Variants in DDX60L observed in about 807,000 individuals in gnomAD.
DDX60L encodes the protein probable ATP-dependent RNA helicase DDX60-like.
In DDX60L, 191 loss-of-function variants were observed where a neutral mutation model predicts 211.6. The observed-to-expected ratio is 0.90, with a 90% CI of 0.80 to 1.02. The LOEUF (loss-of-function observed/expected upper bound fraction) is 1.02, where lower values mean the gene tolerates loss of function less well. Among genes scored for constraint, DDX60L ranks in the 50% least tolerant of loss-of-function variants. DDX60L has a pLI of 0.00. For synonymous variants in DDX60L, 706 were observed against 694.1 expected (o/e 1.02, Z -0.27); for missense variants, 2,007 against 1,984.1 (o/e 1.01, Z -0.22).
chr4:168,473,955 C>G (rs1260414008), intron 1 of DDX60L, among the ~76,000 whole-genome samples: 1 of 152,122 alleles, frequency 6.6e-6, no homozygotes, highest in Admixed American at 6.5e-5. Context: ...CTCTGTGAAA[C>G]TGAAGGGACA....
At chr4:168,469,488 G>A (rs1470728350) in intron 4 of DDX60L, 1 of 152,252 alleles carries the variant, frequency 6.6e-6, no homozygotes, top group Middle Eastern at 3.4e-3. Context: ...GATAGGCAAT[G>A]ATTCTTATCA....
intron 25 of DDX60L, among the ~76,000 whole-genome samples, chr4:168,402,630 G>C (rs1054473741): frequency 1.3e-5 from 2 of 152,198 alleles, no homozygotes; most frequent in Non-Finnish European, 2.9e-5. Context: ...TGCAGTTTAA[G>C]CTAAGATTTG....
chr4:168,472,777 C>T lies in DDX60L; in HGVS notation c.-78G>A. 1.3e-6 allele frequency: 2 copies of T among 1,503,538 alleles called. No individual in the cohort carries two copies. The highest frequency in any genetic ancestry group is 1.8e-6 in the Non-Finnish European group (2 of 1,090,958). The allele number at this position is 1,503,538 out of a possible 1,614,324, so 93.1% of individuals were successfully genotyped here. ...ATATGGCTGATTTATTTTGACACCTCTAAAATGGCTACATTTGATGTGAAT... is the reference window on the plus strand; with the variant it reads ...ATATGGCTGATTTATTTTGACACCTTTAAAATGGCTACATTTGATGTGAAT... On this transcript the variant is annotated 5_prime_UTR_variant, in exon 2 of 38. Transcript: ENST00000682922.
chr4:168,447,820 T>C (rs2712112), intron 9 of DDX60L, among the ~76,000 whole-genome samples: 42,609 of 143,142 alleles, frequency 0.3, 6,632 homozygotes, highest in African/African-American at 0.41. Context: ...TAGGTGGGAA[T>C]TGAACAATGA....
intron 22 of DDX60L, among the ~76,000 whole-genome samples, chr4:168,410,495 G>T (rs149873056): frequency 6.7e-4 from 102 of 152,280 alleles, no homozygotes; most frequent in African/African-American, 2.3e-3. Context: ...AAACATTGAA[G>T]ACTTTTGAGT....
intron 29 of DDX60L, among the ~76,000 whole-genome samples, chr4:168,385,183 C>T (rs1743648212): frequency 6.6e-6 from 1 of 152,174 alleles, no homozygotes; most frequent in African/African-American, 2.4e-5. Flanking sequence ...TCAGCCCCTC[C>T]TCGCAATTTC....
At chr4:168,474,075 G>T (rs1759170361) in intron 1 of DDX60L, among the ~76,000 whole-genome samples, 1 of 152,138 alleles carries the variant, frequency 6.6e-6, no homozygotes, top group Non-Finnish European at 1.5e-5. Flanking sequence ...AGTAGGCTTT[G>T]CTGCACTCTA....
intron 22 of DDX60L, among the ~76,000 whole-genome samples, chr4:168,411,892 T>C (rs756429586): frequency 2.0e-5 from 3 of 151,836 alleles, no homozygotes; most frequent in Non-Finnish European, 4.4e-5. Flanking sequence ...TCTTCAAACT[T>C]GGACACCAGC....
At chr4:168,447,298 C>T (rs1490507803) in intron 9 of DDX60L, among the ~76,000 whole-genome samples, 3 of 149,096 alleles carry the variant, frequency 2.0e-5, no homozygotes, top group Non-Finnish European at 4.5e-5. Context: ...TCATCACTGG[C>T]CATCAGAGAA....
At chr4:168,420,215 A>T in intron 18 of DDX60L, 46 bp downstream of exon 18, 1 of 1,426,212 alleles carries the variant, frequency 7.0e-7, no homozygotes, top group Non-Finnish European at 9.4e-7. Flanking sequence ...TTATATAAGT[A>T]CTGCTCTATA....
intron 28 of DDX60L, among the ~76,000 whole-genome samples, chr4:168,392,596 C>T (rs1376425065): frequency 2.0e-5 from 3 of 151,964 alleles, no homozygotes; most frequent in East Asian, 1.9e-4. Flanking sequence ...GTAACTTCAG[C>T]ACTTTGGGAG....
At chr4:168,419,520 C>T in intron 18 of DDX60L, 123 bp from the exon 19 acceptor site, 1 of 549,342 alleles carries the variant, frequency 1.8e-6, no homozygotes, top group Admixed American at 3.6e-5. Flanking sequence ...AATATTGCAT[C>T]TTTGACGTTT....
intron 13 of DDX60L, among the ~76,000 whole-genome samples, chr4:168,429,659 C>T (rs1306740728): frequency 6.6e-6 from 1 of 152,152 alleles, no homozygotes; most frequent in African/African-American, 2.4e-5. Flanking sequence ...GTGGCCCCAC[C>T]AAATCTTATG....
intron 8 of DDX60L, among the ~76,000 whole-genome samples, chr4:168,452,084 GGAA>G (rs1356163269): frequency 2.6e-5 from 4 of 152,270 alleles, no homozygotes; most frequent in South Asian, 4.1e-4. Context: ...GAAGTTCCAT[GGAA>G]GAAGAAGAGA....
At chr4:168,420,951 C>T (rs1750507504) in intron 17 of DDX60L, among the ~76,000 whole-genome samples, 1 of 152,098 alleles carries the variant, frequency 6.6e-6, no homozygotes, top group Admixed American at 6.6e-5. Context: ...TTGTTCTGAG[C>T]TTAACTATAA....
At chr4:168,401,941 G>A (rs1746891431) in intron 25 of DDX60L, among the ~76,000 whole-genome samples, 1 of 152,080 alleles carries the variant, frequency 6.6e-6, no homozygotes, top group Admixed American at 6.5e-5. Flanking sequence ...TGTTCTATGT[G>A]GCTTCAATAT....
chr4:168,457,000 C>T (rs1756655008), intron 6 of DDX60L, among the ~76,000 whole-genome samples: 1 of 137,234 alleles, frequency 7.3e-6, no homozygotes, highest in African/African-American at 2.4e-5. Flanking sequence ...CACTTGAGCC[C>T]AGGAGTTCAA....
intron 33 of DDX60L, among the ~76,000 whole-genome samples, 159 bp downstream of exon 33, chr4:168,378,195 A>G (rs1742307450): frequency 6.6e-6 from 1 of 152,242 alleles, no homozygotes; most frequent in Non-Finnish European, 1.5e-5. Flanking sequence ...AAGATGTTTG[A>G]ACTAAAAATT....
intron 37 of DDX60L, 128 bp from the exon 38 acceptor site, chr4:168,358,404 G>T (rs567842986): frequency 1.6e-6 from 1 of 628,010 alleles, no homozygotes; most frequent in Non-Finnish European, 2.6e-6. Flanking sequence ...GAAAAAGTAC[G>T]CAGAATATTA....
Sources: allele counts gnomAD v4.1 joint callset (sites outside exome capture counted in the v4.1 genomes callset), GRCh38; gene constraint gnomAD v4.1.1; transcripts MANE v1.5; gene names NCBI Gene and HGNC (gene_info 2026-07-23, HGNC 2026-07-21).